The following HUNK variants were observed in gnomAD, a reference collection of about 807,000 sequenced individuals.
HUNK encodes the protein hormonally up-regulated Neu-associated kinase, also known as hormonally up-regulated neu tumor-associated kinase.
In HUNK, 21 loss-of-function variants were observed where a neutral mutation model predicts 61.0. The observed-to-expected ratio is 0.34, with a 90% CI of 0.24 to 0.50. The LOEUF (loss-of-function observed/expected upper bound fraction) is 0.50. HUNK is among the 20% of genes least tolerant of loss of function. The probability of loss-of-function intolerance (pLI) is 0.98; values close to 1 mark genes in which losing one functional copy is unlikely to be tolerated. For synonymous variants in HUNK, 371 were observed against 386.1 expected, an observed-to-expected ratio of 0.96 and a Z score of 0.46; for missense variants, 772 against 945.7, an observed-to-expected ratio of 0.82 and a Z score of 2.41.
chr21:31,958,944 A>C lies in HUNK; in HGVS notation c.848A>C (p.Asn283Thr), dbSNP rs754464455. Residue 283 changes from asparagine (N) to threonine (T), a missense_variant, in exon 5 of 11, where the codon AAC (asparagine) becomes ACC (threonine). Transcript: ENST00000270112. ...CAGAAGATGGTAGACAAAGAAATGA[A>C]CCCCCTCCCCACTCAGCTCTCCACA... is the stretch of plus-strand genomic sequence containing the variant. ...LYQKMVDKEM[N>T]PLPTQLSTGA... The C allele has an allele frequency of 1.9e-6, 3 of 1,600,350 alleles. No homozygotes were observed. The highest frequency in any genetic ancestry group is 2.7e-5 in the African/African-American group (2 of 73,248).
At chr21:31,944,069 T>C (rs2052786078) in intron 3 of HUNK, among the ~76,000 whole-genome samples, 1 of 152,224 alleles carries the variant, frequency 6.6e-6, no homozygotes, top group African/African-American at 2.4e-5. Context: ...CACAATACTA[T>C]TTTTCTTGTC....
chr21:31,937,524 T>C (rs897837017), intron 2 of HUNK, among the ~76,000 whole-genome samples: 4 of 152,226 alleles, frequency 2.6e-5, no homozygotes, highest in African/African-American at 9.6e-5. Context: ...ATTTTAAAAA[T>C]ACTTTATCTC....
chr21:31,928,081 C>CGTAAA (rs1158922554), intron 2 of HUNK, among the ~76,000 whole-genome samples: 1 of 152,162 alleles, frequency 6.6e-6, no homozygotes, highest in African/African-American at 2.4e-5. Flanking sequence ...AAATGATAGT[C>CGTAAA]GTAAGTGTGC....
At chr21:31,983,838 C>T (rs2053114936) in intron 8 of HUNK, among the ~76,000 whole-genome samples, 1 of 152,176 alleles carries the variant, frequency 6.6e-6, no homozygotes, top group Admixed American at 6.5e-5. Flanking sequence ...AGCGTTTAAA[C>T]ATCTGGATGC....
intron 6 of HUNK, among the ~76,000 whole-genome samples, chr21:31,971,855 G>A (rs115356443): frequency 0.024 from 3,244 of 136,364 alleles, 139 homozygotes; most frequent in African/African-American, 0.084. Context: ...TTTGAGACAA[G>A]TCTTCCTTCA....
intron 5 of HUNK, among the ~76,000 whole-genome samples, chr21:31,964,506 G>A (rs1289799541): frequency 6.6e-6 from 1 of 152,206 alleles, no homozygotes; most frequent in Non-Finnish European, 1.5e-5. Context: ...ACGTTGAGCA[G>A]GGTGGTACTA....
At chr21:31,979,729 A>G (rs888941680) in intron 7 of HUNK, among the ~76,000 whole-genome samples, 3 of 151,326 alleles carry the variant, frequency 2.0e-5, no homozygotes, top group Non-Finnish European at 4.4e-5. Flanking sequence ...GTTAGCCAGG[A>G]TGGTCTCAAT....
At chr21:31,886,738 C>T (rs898341638) in intron 1 of HUNK, among the ~76,000 whole-genome samples, 15 of 152,172 alleles carry the variant, frequency 9.9e-5, no homozygotes, top group Admixed American at 2.6e-4. Context: ...CTCCGCCTCC[C>T]GGGTTCAAGC....
At position 31,946,142 on chromosome 21, in the gene HUNK, A is replaced by T; in HGVS notation, c.717A>T (p.Lys239Asn). The part of the protein sequence containing the change: ...YAAPELLARK[K>N]YGPKIDVWSI... ...CACCTGAACTGCTCGCCAGGAAGAA[A>T]TACGGCCCCAAAATCGATGTCTGGT... The change falls in exon 4 of 11, where the codon AAA (lysine) becomes AAT (asparagine). Residue 239 changes from lysine to asparagine, a missense_variant. By Grantham distance (94) the Lys-to-Asn change is moderately conservative (BLOSUM62 0). Around this residue, in one of 2 missense-constraint regions of HUNK, gnomAD observed 359 missense variants for 501.3 expected, o/e 0.72. Transcript: ENST00000270112. 6.2e-7 allele frequency: 1 copy of T among 1,613,064 alleles called. No individual in the cohort carries two copies. The highest frequency in any genetic ancestry group is 8.5e-7 in the Non-Finnish European group (1 of 1,179,084).
chr21:31,913,437 T>C (rs548617668), intron 1 of HUNK, among the ~76,000 whole-genome samples: 68 of 149,264 alleles, frequency 4.6e-4, no homozygotes, highest in African/African-American at 1.6e-3. Flanking sequence ...GGGAGGGAAA[T>C]TGTCCAAGGT....
At position 31,998,554 on chromosome 21, in the gene HUNK, C is replaced by T. The variant is rs1372563212; in HGVS notation, c.1515C>T (p.Arg505=). The T allele has an allele frequency of 6.3e-6, 10 of 1,597,480 alleles. No individual in the cohort carries two copies. The highest frequency in any genetic ancestry group is 2.7e-5 in the African/African-American group (2 of 73,790). ...CCTTTGGCTGCCGCAATATTTTCCG[C>T]AAAACCTCAGATTCCAATTGTGTGG... is the stretch of plus-strand genomic sequence containing the variant. ...KDSFGCRNIF[R]KTSDSNCVAS... is the part of the protein sequence containing the mutation. The change falls in exon 11 of 11, where the codon CGC becomes CGT. Residue 505 remains arginine, a synonymous_variant. Coordinates refer to ENST00000270112, the MANE Select transcript of HUNK (RefSeq NM_014586.2).
chr21:31,999,139 G>A lies in HUNK; in HGVS notation c.2100G>A (p.Val700=). Residue 700 remains valine (V), a synonymous_variant, in exon 11 of 11, where the codon GTG becomes GTA. Coordinates refer to ENST00000270112, the MANE Select transcript of HUNK (RefSeq NM_014586.2). ...SLPPLQPLAP[V]NLAFDMADGV... is the part of the protein sequence containing the mutation. ...CCCCACTGCAGCCCCTAGCCCCTGTGAACCTTGCCTTTGACATGGCCGATG... is the reference window on the plus strand; with the variant it reads ...CCCCACTGCAGCCCCTAGCCCCTGTAAACCTTGCCTTTGACATGGCCGATG... 1 of 1,613,468 alleles carries A rather than the reference G, an allele frequency of 6.2e-7. No homozygotes were observed.
intron 5 of HUNK, 62 bp from the exon 6 acceptor site, chr21:31,968,188 C>T: frequency 6.2e-7 from 1 of 1,603,162 alleles, no homozygotes; most frequent in South Asian, 1.1e-5. Flanking sequence ...GTGATGGTGG[C>T]TTTCACTGGT....
intron 6 of HUNK, among the ~76,000 whole-genome samples, chr21:31,971,067 A>AT (rs1255744141): frequency 4.6e-3 from 2 of 432 alleles, no homozygotes; most frequent in East Asian, 0.14. Context: ...CTTTTTCTTT[A>AT]TTTTTATTTA....
intron 5 of HUNK, among the ~76,000 whole-genome samples, chr21:31,959,532 T>C (rs951779140): frequency 6.6e-6 from 1 of 152,206 alleles, no homozygotes; most frequent in African/African-American, 2.4e-5. Context: ...CTTTAGCTGG[T>C]TCACATTTCA....
chr21:31,913,174 G>C (rs1048501569), intron 1 of HUNK, among the ~76,000 whole-genome samples: 4 of 152,186 alleles, frequency 2.6e-5, no homozygotes, highest in Non-Finnish European at 4.4e-5. Flanking sequence ...AGCTAAGCGT[G>C]TGTGTGATGG....
chr21:31,939,257 A>G (rs1043229966), intron 2 of HUNK, among the ~76,000 whole-genome samples: 4 of 152,052 alleles, frequency 2.6e-5, no homozygotes, highest in African/African-American at 9.7e-5. Context: ...TAGGACACCA[A>G]CATCTTTGGA....
At chr21:31,898,542 C>T (rs1183905421) in intron 1 of HUNK, among the ~76,000 whole-genome samples, 2 of 152,208 alleles carry the variant, frequency 1.3e-5, no homozygotes, top group African/African-American at 4.8e-5. Context: ...GCTGGGATTA[C>T]AAGCATGAGC....
intron 8 of HUNK, 121 bp downstream of exon 8, chr21:31,983,730 C>T: frequency 1.4e-6 from 1 of 693,978 alleles, no homozygotes; most frequent in Non-Finnish European, 2.5e-6. Flanking sequence ...CATACTTACG[C>T]TCATAACTGA....
Sources: allele counts gnomAD v4.1 joint callset (sites outside exome capture counted in the v4.1 genomes callset), GRCh38; gene constraint gnomAD v4.1.1; regional missense constraint gnomAD v4.1.1; transcripts MANE v1.5; gene names NCBI Gene and HGNC (gene_info 2026-07-23, HGNC 2026-07-21).